Variants in RBFOX1 observed in about 807,000 individuals in gnomAD.
The protein encoded by RBFOX1 is RNA binding protein fox-1 homolog 1.
A neutral mutation model predicts 57.7 loss-of-function variants in RBFOX1; 8 were observed. That is an observed-to-expected ratio of 0.14 (90% confidence interval 0.08 to 0.25). RBFOX1 has a LOEUF of 0.25. RBFOX1 is among the 10% of genes least tolerant of loss of function. RBFOX1 has a pLI of 1.00. For synonymous variants in RBFOX1, 326 were observed against 222.4 expected (o/e 1.47, Z -4.15); for missense variants, 611 against 548.5 (o/e 1.11, Z -1.14).
chr16:5,542,269 G>T (rs1168040777), intron 2 of RBFOX1, among the ~76,000 whole-genome samples: 12 of 126,062 alleles, frequency 9.5e-5, no homozygotes, highest in Admixed American at 5.1e-4. Context: ...TTTTTTTTGA[G>T]ACAGAGTCTT....
At chr16:6,924,843 C>G (rs1253436606) in intron 3 of RBFOX1, among the ~76,000 whole-genome samples, 3 of 133,868 alleles carry the variant, frequency 2.2e-5, no homozygotes, top group African/African-American at 8.3e-5. Context: ...CCCCCTCCCC[C>G]TACCCCACAA....
chr16:5,585,691 C>T (rs9944330), intron 2 of RBFOX1, among the ~76,000 whole-genome samples: 27,839 of 152,222 alleles, frequency 0.18, 2,759 homozygotes, highest in Middle Eastern at 0.24. Context: ...CCAAAGCCAT[C>T]GGCTTCTAGG....
At chr16:6,868,178 G>C (rs1468206760) in intron 3 of RBFOX1, among the ~76,000 whole-genome samples, 2 of 152,106 alleles carry the variant, frequency 1.3e-5, no homozygotes, top group South Asian at 2.1e-4. Context: ...TTTCATTGAA[G>C]TCTTTCAGTG....
At chr16:7,397,192 T>G (rs777459343) in intron 4 of RBFOX1, among the ~76,000 whole-genome samples, 13 of 152,234 alleles carry the variant, frequency 8.5e-5, no homozygotes, top group Admixed American at 3.9e-4. Flanking sequence ...CTTCTATCTC[T>G]GGTGCTGAGT....
chr16:5,488,829 T>C (rs1013329195), intron 2 of RBFOX1, among the ~76,000 whole-genome samples: 2 of 150,892 alleles, frequency 1.3e-5, no homozygotes, highest in Non-Finnish European at 2.9e-5. Flanking sequence ...TGGAAGATGA[T>C]GGTGCTGGTG....
At chr16:7,220,350 A>G (rs1431387890) in intron 4 of RBFOX1, among the ~76,000 whole-genome samples, 1 of 152,208 alleles carries the variant, frequency 6.6e-6, no homozygotes, top group East Asian at 1.9e-4. Context: ...CATTCATGCA[A>G]CATGGCCCCA....
intron 4 of RBFOX1, among the ~76,000 whole-genome samples, chr16:7,480,049 C>T (rs1235280182): frequency 6.6e-6 from 1 of 152,180 alleles, no homozygotes; most frequent in Non-Finnish European, 1.5e-5. Context: ...ACTCAGTAAA[C>T]AACTGCCTTT....
At chr16:6,579,665 G>A (rs2097504604) in intron 2 of RBFOX1, among the ~76,000 whole-genome samples, 1 of 152,194 alleles carries the variant, frequency 6.6e-6, no homozygotes, top group South Asian at 2.1e-4. Flanking sequence ...TGAACTGTGA[G>A]TCAGTTATAC....
intron 1 of RBFOX1, among the ~76,000 whole-genome samples, chr16:6,105,346 A>G (rs923834999): frequency 6.6e-6 from 1 of 152,198 alleles, no homozygotes; most frequent in Non-Finnish European, 1.5e-5. Flanking sequence ...TCCTTTGCAT[A>G]TACCGTGACT....
chr16:6,788,934 T>C (rs1238654925), intron 3 of RBFOX1, among the ~76,000 whole-genome samples: 4 of 152,080 alleles, frequency 2.6e-5, no homozygotes, highest in Admixed American at 2.0e-4. Context: ...ACTTCCCGAG[T>C]TCCTCCTAGC....
At chr16:6,190,883 C>G (rs758626263) in intron 1 of RBFOX1, among the ~76,000 whole-genome samples, 1 of 152,146 alleles carries the variant, frequency 6.6e-6, no homozygotes, top group Non-Finnish European at 1.5e-5. Flanking sequence ...ATATGCCTCT[C>G]CATCTTGTGT....
intron 4 of RBFOX1, among the ~76,000 whole-genome samples, chr16:5,995,617 A>G (rs1286459174): frequency 6.6e-6 from 1 of 152,232 alleles, no homozygotes; most frequent in Non-Finnish European, 1.5e-5. Flanking sequence ...CTAAAATAGA[A>G]TGGACAGACA....
intron 4 of RBFOX1, among the ~76,000 whole-genome samples, chr16:5,918,719 C>G (rs2058758845): frequency 1.3e-5 from 2 of 152,220 alleles, no homozygotes; most frequent in African/African-American, 2.4e-5. Flanking sequence ...AAAGTACCCA[C>G]TAGGACTGTG....
chr16:5,307,192 A>G (rs547379347), intron 1 of RBFOX1, among the ~76,000 whole-genome samples: 21 of 152,202 alleles, frequency 1.4e-4, no homozygotes, highest in Non-Finnish European at 2.4e-4. Context: ...AGCCACTGTC[A>G]TTGCTTTGCT....
intron 2 of RBFOX1, among the ~76,000 whole-genome samples, chr16:6,345,872 C>T (rs540030154): frequency 2.6e-5 from 4 of 152,234 alleles, no homozygotes; most frequent in African/African-American, 9.6e-5. Context: ...TTTAGGGAAA[C>T]ATAAGACATC....
At position 6,940,624 on chromosome 16, in the gene RBFOX1, G is replaced by A. The variant is rs112788999; in HGVS notation, c.-15-111433G>A. On this transcript the variant is annotated intron_variant, in intron 3 of 15. Coordinates refer to ENST00000550418, the MANE Select transcript of RBFOX1 (RefSeq NM_018723.4). ...CACTTCTTTTCTTTTTTGAGGCGGA[G>A]TCTTACTCTGTCACCCAGGCTGGAG... Among the ~76,000 whole-genome samples the A allele has an allele frequency of 7.6e-4, 116 of 152,238 alleles. 1 individual carries two copies. Among genetic ancestry groups the A allele is most frequent in the African/African-American group, 2.6e-3 (108 of 41,544 alleles).
At chr16:5,743,660 C>CT (rs1380950068) in intron 3 of RBFOX1, among the ~76,000 whole-genome samples, 17 of 152,222 alleles carry the variant, frequency 1.1e-4, no homozygotes, top group African/African-American at 4.1e-4. Flanking sequence ...CATTATATTT[C>CT]TTTTTTGTTT....
intron 1 of RBFOX1, among the ~76,000 whole-genome samples, chr16:6,208,974 A>C (rs943332147): frequency 1.3e-5 from 2 of 151,988 alleles, no homozygotes; most frequent in African/African-American, 4.8e-5. Flanking sequence ...TTTGTGACCC[A>C]ACTGGGTCTT....
intron 3 of RBFOX1, among the ~76,000 whole-genome samples, chr16:6,798,433 G>A (rs1011059476): frequency 6.6e-6 from 1 of 152,188 alleles, no homozygotes; most frequent in Non-Finnish European, 1.5e-5. Flanking sequence ...TAGATAGGGA[G>A]AGACAGAGAG....
Sources: allele counts gnomAD v4.1 joint callset (sites outside exome capture counted in the v4.1 genomes callset), GRCh38; gene constraint gnomAD v4.1.1; transcripts MANE v1.5; gene names NCBI Gene and HGNC (gene_info 2026-07-23, HGNC 2026-07-21).